Variants in NIPBL observed in about 807,000 individuals in gnomAD.
NIPBL encodes the protein nipped-B-like protein.
Under a neutral mutation model 321.8 loss-of-function variants are expected in NIPBL, and 19 were observed. That is an observed-to-expected ratio of 0.06 (90% CI 0.04 to 0.09). The LOEUF is 0.09. Ranked by LOEUF, NIPBL falls within the 10% of genes least tolerant of loss-of-function variation. The pLI, the probability that NIPBL is intolerant of heterozygous loss-of-function variation, is 1.00. For missense variants in NIPBL, 2,210 were observed against 3,327.0 expected (o/e 0.66, Z 8.26); for synonymous variants, 1,106 against 1,114.1 (o/e 0.99, Z 0.14).
intron 1 of NIPBL, among the ~76,000 whole-genome samples, chr5:36,908,939 T>C (rs1430338851): frequency 6.6e-6 from 1 of 152,256 alleles, no homozygotes; most frequent in Non-Finnish European, 1.5e-5. Flanking sequence ...TTTACAGAGC[T>C]ATTATTTTAT....
chr5:36,972,679 T>C (rs1742995162), intron 8 of NIPBL, among the ~76,000 whole-genome samples: 2 of 152,200 alleles, frequency 1.3e-5, no homozygotes, highest in Admixed American at 6.5e-5. Context: ...ATCTTCAAAA[T>C]GGTTTTCACT....
intron 1 of NIPBL, among the ~76,000 whole-genome samples, chr5:36,926,350 A>G (rs1338172790): frequency 1.3e-5 from 2 of 152,116 alleles, no homozygotes; most frequent in African/African-American, 4.8e-5. Flanking sequence ...GTGGTGATGG[A>G]GGTTACTTGG....
chr5:36,944,328 C>T (rs764562176), intron 1 of NIPBL, among the ~76,000 whole-genome samples: 2 of 152,050 alleles, frequency 1.3e-5, no homozygotes, highest in Non-Finnish European at 2.9e-5. Flanking sequence ...TTTTGCATCT[C>T]TTCCACGTAT....
intron 1 of NIPBL, among the ~76,000 whole-genome samples, chr5:36,895,554 G>C (rs1485188125): frequency 1.3e-5 from 2 of 152,152 alleles, no homozygotes; most frequent in African/African-American, 4.8e-5. Flanking sequence ...TTTCCAAAGA[G>C]GTGCATGATT....
At chr5:36,988,802 T>C (rs1745138894) in intron 10 of NIPBL, among the ~76,000 whole-genome samples, 5 of 152,160 alleles carry the variant, frequency 3.3e-5, no homozygotes, top group Admixed American at 3.3e-4. Context: ...TTAAATATTT[T>C]ACCTGATGTT....
chr5:37,008,498 G>C (rs569464262), intron 19 of NIPBL, 125 bp from the exon 20 acceptor site: 1 of 651,504 alleles, frequency 1.5e-6, no homozygotes, highest in South Asian at 1.9e-5. Flanking sequence ...AAATAGAGCA[G>C]CTTACCTTAG....
intron 1 of NIPBL, among the ~76,000 whole-genome samples, chr5:36,889,205 A>G (rs1746139150): frequency 6.6e-6 from 1 of 152,188 alleles, no homozygotes; most frequent in South Asian, 2.1e-4. Flanking sequence ...GACAACATTG[A>G]CAGCAAAGAA....
At chr5:37,025,317 A>G (rs898929672) in intron 30 of NIPBL, among the ~76,000 whole-genome samples, 2 of 152,310 alleles carry the variant, frequency 1.3e-5, no homozygotes, top group East Asian at 3.9e-4. Flanking sequence ...ATTATATTCA[A>G]AGGTTTCTCA....
At chr5:36,884,821 G>A (rs906432046) in intron 1 of NIPBL, among the ~76,000 whole-genome samples, 7 of 152,060 alleles carry the variant, frequency 4.6e-5, no homozygotes, top group African/African-American at 1.7e-4. Flanking sequence ...GTGTCCTTGA[G>A]GGCTTCTTGC....
chr5:37,009,959 A>G (rs1697769947), intron 20 of NIPBL, 128 bp from the exon 21 acceptor site: 1 of 728,882 alleles, frequency 1.4e-6, no homozygotes, highest in Admixed American at 2.2e-5. Context: ...ACACATAAGA[A>G]CACAATAAGC....
At chr5:36,958,367 C>G (rs1293548611) in intron 4 of NIPBL, 136 bp downstream of exon 4, 3 of 774,426 alleles carry the variant, frequency 3.9e-6, no homozygotes, top group Non-Finnish European at 6.6e-6. Flanking sequence ...AAGAAGGAAA[C>G]TAAACTGATA....
chr5:37,011,105 C>T (rs1215028157), intron 21 of NIPBL, among the ~76,000 whole-genome samples: 2 of 152,080 alleles, frequency 1.3e-5, no homozygotes, highest in African/African-American at 4.8e-5. Flanking sequence ...CGACGATTTG[C>T]GTTTGGTTTT....
chr5:37,065,580 G>T lies in NIPBL; in HGVS notation c.*688G>T, dbSNP rs1755290051. 1 of 152,422 alleles carries T rather than the reference G, an allele frequency of 6.6e-6. No homozygotes were observed. Among genetic ancestry groups the T allele is most frequent in the Non-Finnish European group, 1.5e-5 (1 of 67,998 alleles). The allele number at this position is 152,422 out of a possible 1,614,324, so 9.4% of individuals were successfully genotyped here. On this transcript the variant is annotated 3_prime_UTR_variant, in exon 47 of 47. Transcript: ENST00000282516. ...TTTATATTATTTTACAGTCTTTTAT[G>T]TAAAATTTATTATATCACTGGTTTT...
intron 21 of NIPBL, among the ~76,000 whole-genome samples, chr5:37,011,888 A>G (rs527493081): frequency 1.3e-5 from 2 of 152,248 alleles, no homozygotes; most frequent in Admixed American, 1.3e-4. Flanking sequence ...AAGTTTCTGT[A>G]GATACACTTA....
At position 36,889,800 on chromosome 5, in the gene NIPBL, A is replaced by G. The variant is rs145440055; in HGVS notation, c.-80+12622A>G. On this transcript the variant is annotated intron_variant, in intron 1 of 46. Transcript: ENST00000282516. ...CTTTATTTTCTTGGAAGCCAAAACT[A>G]CATATAGTTTCCTGATATGTTAAGC... is the stretch of plus-strand genomic sequence containing the variant. Among the ~76,000 whole-genome samples the G allele has an allele frequency of 4.2e-3, 635 of 152,232 alleles. 6 individuals carry two copies. The highest frequency in any genetic ancestry group is 7.2e-3 in the Non-Finnish European group (489 of 67,960).
intron 34 of NIPBL, among the ~76,000 whole-genome samples, chr5:37,041,591 CT>C (rs1370918107): frequency 6.7e-6 from 1 of 148,174 alleles, no homozygotes; most frequent in African/African-American, 2.5e-5. Flanking sequence ...AAGACACAGT[CT>C]TGCTCTGTTG....
At chr5:36,966,914 G>C (rs1742271329) in intron 6 of NIPBL, among the ~76,000 whole-genome samples, 1 of 151,800 alleles carries the variant, frequency 6.6e-6, no homozygotes. Flanking sequence ...GAGTTGAGAA[G>C]GCATTATTTC....
intron 44 of NIPBL, 38 bp from the exon 45 acceptor site, chr5:37,060,806 A>T (rs778164374): frequency 3.8e-6 from 6 of 1,574,018 alleles, no homozygotes; most frequent in Non-Finnish European, 5.2e-6. Flanking sequence ...CGTTGTTTCC[A>T]TAGTTTTAAA....
intron 29 of NIPBL, 102 bp downstream of exon 29, chr5:37,022,492 A>G: frequency 1.0e-6 from 1 of 992,266 alleles, no homozygotes. Context: ...TGTACCAATT[A>G]TATATTTATA....
Sources: allele counts gnomAD v4.1 joint callset (sites outside exome capture counted in the v4.1 genomes callset), GRCh38; gene constraint gnomAD v4.1.1; transcripts MANE v1.5; gene names NCBI Gene and HGNC (gene_info 2026-07-23, HGNC 2026-07-21).